Variants in SH3RF2 observed in about 807,000 individuals in gnomAD.
SH3RF2 encodes the protein E3 ubiquitin-protein ligase SH3RF2.
A neutral mutation model predicts 59.0 loss-of-function variants in SH3RF2; 43 were observed. That is an observed-to-expected ratio of 0.73 (90% CI 0.57 to 0.94). The LOEUF is 0.94. SH3RF2 is among the 40% of genes least tolerant of loss of function. The probability of loss-of-function intolerance (pLI) is 0.00; values close to 1 mark genes in which losing one functional copy is unlikely to be tolerated. For missense variants in SH3RF2, 930 were observed against 940.1 expected, an observed-to-expected ratio of 0.99 and a Z score of 0.14; for synonymous variants, 391 against 391.5, an observed-to-expected ratio of 1.00 and a Z score of 0.01.
At chr5:145,979,796 T>C (rs1278845481) in intron 2 of SH3RF2, among the ~76,000 whole-genome samples, 1 of 152,170 alleles carries the variant, frequency 6.6e-6, no homozygotes, top group African/African-American at 2.4e-5. Flanking sequence ...ATAGTGGACT[T>C]TTATTGAGTA....
chr5:146,044,162 T>G (rs1474219707), intron 5 of SH3RF2, among the ~76,000 whole-genome samples: 1 of 125,844 alleles, frequency 7.9e-6, no homozygotes, highest in East Asian at 2.3e-4. Flanking sequence ...TTTTTTTTTT[T>G]GTTTTTAAGA....
At chr5:145,965,210 A>T (rs1189625712) in intron 2 of SH3RF2, among the ~76,000 whole-genome samples, 2 of 151,700 alleles carry the variant, frequency 1.3e-5, no homozygotes, top group Admixed American at 1.3e-4. Flanking sequence ...AATTAAAATT[A>T]AGAAAAAAAA....
At chr5:145,943,773 G>T (rs1247724214) in intron 2 of SH3RF2, among the ~76,000 whole-genome samples, 1 of 152,134 alleles carries the variant, frequency 6.6e-6, no homozygotes, top group Non-Finnish European at 1.5e-5. Context: ...CCAATAAACA[G>T]CTCACTCCCC....
intron 2 of SH3RF2, among the ~76,000 whole-genome samples, chr5:145,989,083 C>T (rs1759832615): frequency 6.6e-6 from 1 of 152,178 alleles, no homozygotes. Flanking sequence ...GCCCAGCATT[C>T]CCAAGACACG....
At chr5:145,954,178 T>C (rs1046273696) in intron 2 of SH3RF2, among the ~76,000 whole-genome samples, 4 of 152,190 alleles carry the variant, frequency 2.6e-5, no homozygotes, top group Non-Finnish European at 4.4e-5. Context: ...CCACCAACAG[T>C]GTATAAGGAT....
chr5:145,947,951 T>G (rs537915234), intron 2 of SH3RF2, among the ~76,000 whole-genome samples: 1 of 152,340 alleles, frequency 6.6e-6, no homozygotes, highest in Admixed American at 6.5e-5. Flanking sequence ...CAAGTTATTT[T>G]AAGATTTATT....
At chr5:145,970,769 T>C (rs1759050184) in intron 2 of SH3RF2, among the ~76,000 whole-genome samples, 1 of 151,988 alleles carries the variant, frequency 6.6e-6, no homozygotes, top group Non-Finnish European at 1.5e-5. Context: ...TAAAAGACAC[T>C]GAAAACTACA....
intron 8 of SH3RF2, among the ~76,000 whole-genome samples, chr5:146,058,806 C>G (rs1009944369): frequency 9.9e-5 from 15 of 151,358 alleles, no homozygotes; most frequent in Admixed American, 3.3e-4. Context: ...GGATGGGGAT[C>G]TCCTGCCTTC....
At chr5:145,948,805 A>G (rs540753392) in intron 2 of SH3RF2, among the ~76,000 whole-genome samples, 25 of 152,274 alleles carry the variant, frequency 1.6e-4, no homozygotes, top group African/African-American at 5.8e-4. Context: ...CTCCAGTGCT[A>G]TCCTCCAGCC....
chr5:146,002,531 A>AG (rs1321621740), intron 3 of SH3RF2, among the ~76,000 whole-genome samples: 2 of 141,134 alleles, frequency 1.4e-5, no homozygotes, highest in African/African-American at 5.3e-5. Context: ...GAAGGAAGGA[A>AG]GGAAGGATAA....
intron 2 of SH3RF2, among the ~76,000 whole-genome samples, chr5:145,962,620 C>T (rs1288821990): frequency 6.6e-6 from 1 of 152,042 alleles, no homozygotes; most frequent in Non-Finnish European, 1.5e-5. Context: ...CCTACCTCAT[C>T]CTCCCCTTCT....
intron 2 of SH3RF2, among the ~76,000 whole-genome samples, chr5:145,983,448 A>G (rs1400964648): frequency 6.6e-6 from 1 of 152,184 alleles, no homozygotes; most frequent in Admixed American, 6.5e-5. Context: ...TCTTTCTGCC[A>G]TTTGTAACAG....
chr5:146,033,479 TTTTTTTTTG>T, intron 5 of SH3RF2, among the ~76,000 whole-genome samples: 1 of 131,126 alleles, frequency 7.6e-6, no homozygotes, highest in African/African-American at 2.8e-5. Context: ...TTTTTTTTTT[TTTTTTTTTG>T]AGATGGAGTT....
At chr5:145,939,891 A>C (rs1263506728) in intron 2 of SH3RF2, among the ~76,000 whole-genome samples, 2 of 152,144 alleles carry the variant, frequency 1.3e-5, no homozygotes, top group Non-Finnish European at 2.9e-5. Flanking sequence ...ACGGTGTCAC[A>C]CTGGGAGGAG....
At chr5:145,937,677 C>T (rs1757646025) in intron 1 of SH3RF2, 146 bp from the exon 2 acceptor site, 1 of 519,026 alleles carries the variant, frequency 1.9e-6, no homozygotes, top group African/African-American at 1.9e-5. Context: ...TACCTGCTAG[C>T]ATTGAATCAG....
chr5:146,022,392 G>A (rs1434358401), intron 5 of SH3RF2, among the ~76,000 whole-genome samples: 2 of 152,124 alleles, frequency 1.3e-5, no homozygotes, highest in South Asian at 2.1e-4. Context: ...ATTATGAAGA[G>A]AGACTAGGTT....
intron 5 of SH3RF2, among the ~76,000 whole-genome samples, chr5:146,031,078 T>C (rs1174469302): frequency 6.6e-6 from 1 of 152,040 alleles, no homozygotes; most frequent in East Asian, 1.9e-4. Context: ...AATGCCTTTG[T>C]GAGAATGTGT....
downstream of SH3RF2, among the ~76,000 whole-genome samples, chr5:146,064,811 A>AGAAG (rs1763050780): frequency 7.1e-5 from 1 of 14,006 alleles, no homozygotes; most frequent in African/African-American, 1.5e-4. Flanking sequence ...AAGGAAGGAA[A>AGAAG]GAAAGAAAGA....
intron 5 of SH3RF2, among the ~76,000 whole-genome samples, chr5:146,027,748 G>A (rs1004144312): frequency 6.6e-6 from 1 of 152,114 alleles, no homozygotes; most frequent in African/African-American, 2.4e-5. Context: ...GTGAAAAAAG[G>A]AAGCGAGCTG....
Sources: allele counts gnomAD v4.1 joint callset (sites outside exome capture counted in the v4.1 genomes callset), GRCh38; gene constraint gnomAD v4.1.1; transcripts MANE v1.5; gene names NCBI Gene and HGNC (gene_info 2026-07-23, HGNC 2026-07-21).